The following DNM3 variants were observed in gnomAD, a reference collection of about 807,000 sequenced individuals.
DNM3 encodes dynamin-3.
DNM3 carries 47 observed loss-of-function variants against 101.6 expected under a neutral mutation model. That is an observed-to-expected ratio of 0.46 (90% CI 0.37 to 0.59). The LOEUF is 0.59. Among genes scored for constraint, DNM3 ranks in the 20% least tolerant of loss-of-function variants. DNM3 has a pLI of 0.00. For synonymous variants in DNM3, 385 were observed against 387.9 expected (o/e 0.99, Z 0.09); for missense variants, 849 against 1,085.7 (o/e 0.78, Z 3.06).
At chr1:171,876,965 A>T (rs193133360) in intron 1 of DNM3, among the ~76,000 whole-genome samples, 28 of 152,366 alleles carry the variant, frequency 1.8e-4, no homozygotes, top group Non-Finnish European at 1.5e-5. Context: ...GAATCTGAAC[A>T]TGTGAAATAC....
At chr1:171,870,960 C>T (rs889018691) in intron 1 of DNM3, among the ~76,000 whole-genome samples, 2 of 152,120 alleles carry the variant, frequency 1.3e-5, no homozygotes, top group Non-Finnish European at 2.9e-5. Context: ...CATGAATAAA[C>T]ACTTGAAGAC....
chr1:172,188,073 A>ATG (rs1170846706), intron 14 of DNM3, among the ~76,000 whole-genome samples: 1 of 152,088 alleles, frequency 6.6e-6, no homozygotes, highest in African/African-American at 2.4e-5. Context: ...TTCCAAAAGT[A>ATG]TGTGTGTGTA....
chr1:172,417,876 C>A (rs1367179718), intron 20 of DNM3, among the ~76,000 whole-genome samples: 1 of 152,186 alleles, frequency 6.6e-6, no homozygotes, highest in Admixed American at 6.5e-5. Context: ...TCATTGAAAT[C>A]TTTGGAAATA....
At chr1:171,998,156 A>G (rs2046124614) in intron 4 of DNM3, among the ~76,000 whole-genome samples, 2 of 152,138 alleles carry the variant, frequency 1.3e-5, no homozygotes, top group African/African-American at 4.8e-5. Flanking sequence ...TATATCATCT[A>G]TCTCTGTCTG....
intron 14 of DNM3, among the ~76,000 whole-genome samples, chr1:172,148,497 C>A (rs1159158672): frequency 6.6e-6 from 1 of 152,078 alleles, no homozygotes; most frequent in Admixed American, 6.6e-5. Flanking sequence ...TGCAGCTACG[C>A]ACCAGATTGA....
chr1:172,027,617 CAGAGAG>C (rs1553340555), intron 4 of DNM3, among the ~76,000 whole-genome samples: 1 of 147,022 alleles, frequency 6.8e-6, no homozygotes, highest in African/African-American at 2.6e-5. Flanking sequence ...CACACACACA[CAGAGAG>C]AGAGAAATTG....
chr1:172,210,370 G>T (rs2060474035), intron 14 of DNM3, among the ~76,000 whole-genome samples: 1 of 139,604 alleles, frequency 7.2e-6, no homozygotes, highest in Non-Finnish European at 1.5e-5. Flanking sequence ...AGAAATGTGG[G>T]ACTCAGTAAG....
intron 14 of DNM3, among the ~76,000 whole-genome samples, chr1:172,153,593 C>T (rs2148244732): frequency 7.9e-6 from 1 of 126,606 alleles, no homozygotes; most frequent in South Asian, 2.5e-4. Flanking sequence ...CAGCACGAAA[C>T]TTTCTCTGAG....
chr1:172,372,965 C>G (rs189583340), intron 17 of DNM3, among the ~76,000 whole-genome samples: 1 of 152,008 alleles, frequency 6.6e-6, no homozygotes, highest in East Asian at 1.9e-4. Flanking sequence ...ATTACAGGCA[C>G]AAGCCACCAT....
At chr1:172,334,602 G>T (rs1280179884) in intron 17 of DNM3, among the ~76,000 whole-genome samples, 1 of 152,206 alleles carries the variant, frequency 6.6e-6, no homozygotes, top group Non-Finnish European at 1.5e-5. Flanking sequence ...ATTCACTTAG[G>T]ATTGGATGAA....
At chr1:172,128,119 G>A (rs1306619335) in intron 13 of DNM3, among the ~76,000 whole-genome samples, 1 of 152,032 alleles carries the variant, frequency 6.6e-6, no homozygotes, top group Non-Finnish European at 1.5e-5. Context: ...ACAGACTCTT[G>A]TGACTACCTC....
chr1:171,939,231 T>C (rs779622902), intron 2 of DNM3, among the ~76,000 whole-genome samples: 28 of 152,208 alleles, frequency 1.8e-4, no homozygotes, highest in Non-Finnish European at 3.4e-4. Context: ...CACAGTTAAA[T>C]CACTGCCTTT....
chr1:172,144,176 A>G (rs1158852781), intron 14 of DNM3, among the ~76,000 whole-genome samples: 5 of 145,210 alleles, frequency 3.4e-5, no homozygotes, highest in African/African-American at 1.2e-4. Flanking sequence ...TGAATTATCA[A>G]TCTTCAGAAA....
Position 172,285,629 on chromosome 1 carries a change from C to G in DNM3, c.1770-23099C>G, listed in dbSNP as rs2063668954. Among the ~76,000 whole-genome samples the G allele has an allele frequency of 2.0e-5, 3 of 152,238 alleles. No homozygotes were observed. In the South Asian group the frequency reaches 6.2e-4, roughly 32 times the overall value. ...TAATAAAGGCTCATATAAAACTTTT[C>G]AAAATCAGTTCAAGGAACTCACTTT... On this transcript the variant is annotated intron_variant, in intron 15 of 20. Coordinates refer to ENST00000627582, the MANE Select transcript of DNM3 (RefSeq NM_015569.5).
At chr1:172,239,798 CTCTTTTT>C (rs1479676338) in intron 14 of DNM3, among the ~76,000 whole-genome samples, 1,962 of 106,850 alleles carry the variant, frequency 0.018, 94 homozygotes, top group African/African-American at 0.059. Context: ...CTTTTTTTTT[CTCTTTTT>C]TTTTTTTTTT....
At chr1:172,226,431 C>A (rs2061124551) in intron 14 of DNM3, among the ~76,000 whole-genome samples, 1 of 152,298 alleles carries the variant, frequency 6.6e-6, no homozygotes, top group South Asian at 2.1e-4. Context: ...GACCAAATTT[C>A]CACATCAGGA....
chr1:172,051,411 G>A (rs530827823), intron 10 of DNM3, among the ~76,000 whole-genome samples: 26 of 152,272 alleles, frequency 1.7e-4, no homozygotes, highest in Middle Eastern at 3.4e-3. Flanking sequence ...GAAGTGTTCA[G>A]TGTCCATGTA....
At chr1:172,061,856 G>GA (rs1202418634) in intron 10 of DNM3, among the ~76,000 whole-genome samples, 1 of 150,156 alleles carries the variant, frequency 6.7e-6, no homozygotes, top group East Asian at 1.9e-4. Flanking sequence ...AATAATGAAA[G>GA]AAAAAAATTA....
In DNM3 at chr1:172,292,831, T is replaced by C. The variant is rs182283919; in HGVS notation, c.1770-15897T>C. ...ATGTGGAATGCATCTGTTGGAAACA[T>C]ACATTTAAGACCCTCCCAAAAAATG... is the stretch of plus-strand genomic sequence containing the variant. On this transcript the variant is annotated intron_variant, in intron 15 of 20. Transcript: ENST00000627582. Among the ~76,000 whole-genome samples the C allele has an allele frequency of 2.8e-3, 419 of 152,308 alleles. 1 individual carries two copies. Among genetic ancestry groups the C allele is most frequent in the African/African-American group, 9.5e-3 (394 of 41,568 alleles).
Sources: gnomAD v4.1 joint callset for allele counts (sites outside exome capture counted in the v4.1 genomes callset) on GRCh38, gnomAD v4.1.1 for gene constraint, MANE v1.5 for transcripts, NCBI Gene and HGNC (gene_info 2026-07-23, HGNC 2026-07-21) for gene names.